Variants in BLTP3B observed in about 807,000 individuals in gnomAD.
BLTP3B encodes the protein bridge-like lipid transfer protein family member 3B.
chr12:100,079,283 G>C, the BLTP3B span, among the ~76,000 whole-genome samples: 1 of 152,196 alleles, frequency 6.6e-6, no homozygotes. Context: ...GGAAAGTTTG[G>C]AATTTCCTGA....
the BLTP3B span, chr12:100,088,964 A>G: frequency 6.8e-7 from 1 of 1,467,358 alleles, no homozygotes; most frequent in Non-Finnish European, 9.1e-7. Flanking sequence ...CTAGATGAGA[A>G]ATCACTAAAT....
At chr12:100,096,247 C>CT in the BLTP3B span, among the ~76,000 whole-genome samples, 4 of 150,214 alleles carry the variant, frequency 2.7e-5, 1 homozygote, top group East Asian at 3.9e-4. Context: ...GAGAGAAACT[C>CT]TGTCTCAAAA....
chr12:100,066,023 CTT>C, the BLTP3B span, among the ~76,000 whole-genome samples: 2 of 152,160 alleles, frequency 1.3e-5, no homozygotes, highest in Admixed American at 1.3e-4. Context: ...TACTCTTTCT[CTT>C]TATTTCTCAG....
chr12:100,047,854 A>G, the BLTP3B span: 5,002 of 1,237,700 alleles, frequency 4.0e-3, 31 homozygotes, highest in Non-Finnish European at 3.6e-3. Context: ...GATAGAATAT[A>G]TTTTATAGAG....
At chr12:100,040,702 AC>A in the BLTP3B span, among the ~76,000 whole-genome samples, 2 of 151,780 alleles carry the variant, frequency 1.3e-5, no homozygotes, top group Admixed American at 6.6e-5. Flanking sequence ...AACAACAACA[AC>A]AACAAAAAAA....
the BLTP3B span, among the ~76,000 whole-genome samples, chr12:100,106,190 C>G: frequency 6.6e-6 from 1 of 151,938 alleles, no homozygotes; most frequent in Non-Finnish European, 1.5e-5. Context: ...TTCGATCCAG[C>G]AATCCCACTA....
chr12:100,129,395 A>C, the BLTP3B span, among the ~76,000 whole-genome samples: 5 of 152,248 alleles, frequency 3.3e-5, no homozygotes, highest in African/African-American at 1.2e-4. Flanking sequence ...TATGGAGGCC[A>C]AAGTAGTACA....
the BLTP3B span, among the ~76,000 whole-genome samples, chr12:100,132,051 CA>C: frequency 1.4e-4 from 21 of 152,288 alleles, no homozygotes; most frequent in Admixed American, 3.3e-4. Flanking sequence ...CTTGGCCTCC[CA>C]AAGTGCTGGG....
the BLTP3B span, among the ~76,000 whole-genome samples, chr12:100,090,154 A>G: frequency 6.6e-6 from 1 of 152,320 alleles, no homozygotes; most frequent in Admixed American, 6.5e-5. Context: ...GAAATAAAGC[A>G]CATCTTTGTA....
At chr12:100,059,760 A>G in the BLTP3B span, 1 of 1,332,928 alleles carries the variant, frequency 7.5e-7, no homozygotes, top group Non-Finnish European at 1.0e-6. Context: ...CATAACATGA[A>G]TTAATAATCA....
chr12:100,086,360 T>TG, the BLTP3B span: 29 of 430,316 alleles, frequency 6.7e-5, no homozygotes, highest in East Asian at 1.3e-4. Flanking sequence ...TGTTTGACTC[T>TG]GGGAAAAAAA....
At chr12:100,108,780 C>G in the BLTP3B span, among the ~76,000 whole-genome samples, 137 of 152,200 alleles carry the variant, frequency 9.0e-4, no homozygotes, top group African/African-American at 3.1e-3. Context: ...CTGGAGGACA[C>G]TACAGTTAAG....
chr12:100,095,504 GCTA>G, the BLTP3B span, among the ~76,000 whole-genome samples: 1 of 152,178 alleles, frequency 6.6e-6, no homozygotes, highest in Non-Finnish European at 1.5e-5. Context: ...AGATATGATA[GCTA>G]CTACTTATAT....
At chr12:100,109,101 G>T in the BLTP3B span, among the ~76,000 whole-genome samples, 109 of 150,606 alleles carry the variant, frequency 7.2e-4, 1 homozygote, top group African/African-American at 2.6e-3. Context: ...AGTTTCTCAT[G>T]ATAGTTAGGG....
chr12:100,098,628 A>C, the BLTP3B span: 15 of 1,382,186 alleles, frequency 1.1e-5, no homozygotes, highest in Non-Finnish European at 1.4e-5. Context: ...CTGGTTGGGG[A>C]TGGTGGCTCA....
chr12:100,080,376 A>C, the BLTP3B span, among the ~76,000 whole-genome samples: 1 of 150,158 alleles, frequency 6.7e-6, no homozygotes, highest in Admixed American at 6.6e-5. Flanking sequence ...GTTTTGAGAC[A>C]GAGTCTTGCT....
At chr12:100,048,947 C>T in the BLTP3B span, among the ~76,000 whole-genome samples, 1 of 151,852 alleles carries the variant, frequency 6.6e-6, no homozygotes, top group Non-Finnish European at 1.5e-5. Context: ...AACAAAAGTT[C>T]CTAGTGAAAC....
the BLTP3B span, among the ~76,000 whole-genome samples, chr12:100,048,771 A>AGAGTGAGT: frequency 1.1e-3 from 123 of 115,022 alleles, no homozygotes; most frequent in Non-Finnish European, 1.8e-3. Context: ...AGTGAGAGTG[A>AGAGTGAGT]GTGTGTGTGT....
chr12:100,101,295 T>C, the BLTP3B span, among the ~76,000 whole-genome samples: 1 of 152,164 alleles, frequency 6.6e-6, no homozygotes. Flanking sequence ...ACCATTAGAT[T>C]CCCATGGCAT....
Sources: allele counts gnomAD v4.1 joint callset (sites outside exome capture counted in the v4.1 genomes callset), GRCh38; gene constraint gnomAD v4.1.1; transcripts MANE v1.5; gene names NCBI Gene and HGNC (gene_info 2026-07-23, HGNC 2026-07-21).